Variants in NEK1 observed in about 807,000 individuals in gnomAD.
The protein encoded by NEK1 is serine/threonine-protein kinase Nek1.
A neutral mutation model predicts 182.1 loss-of-function variants in NEK1; 137 were observed. The observed-to-expected ratio is 0.75, with a 90% CI of 0.65 to 0.87. The LOEUF (loss-of-function observed/expected upper bound fraction) is 0.87. NEK1 is among the 40% of genes least tolerant of loss of function. The pLI is 0.00. For missense variants in NEK1, 1,391 were observed against 1,494.4 expected, an observed-to-expected ratio of 0.93 and a Z score of 1.14; for synonymous variants, 513 against 492.2, an observed-to-expected ratio of 1.04 and a Z score of -0.56.
At chr4:169,592,272 A>T (rs555973043) in intron 5 of NEK1, among the ~76,000 whole-genome samples, 163 of 152,310 alleles carry the variant, frequency 1.1e-3, no homozygotes, top group African/African-American at 3.9e-3. Flanking sequence ...TGTATATAAG[A>T]TATTTACTAC....
At chr4:169,536,523 T>C (rs1373270177) in intron 19 of NEK1, among the ~76,000 whole-genome samples, 1 of 152,114 alleles carries the variant, frequency 6.6e-6, no homozygotes, top group Admixed American at 6.6e-5. Flanking sequence ...AAATACTTTT[T>C]CAGACATACA....
intron 11 of NEK1, among the ~76,000 whole-genome samples, chr4:169,578,889 A>AG (rs1215336783): frequency 3.3e-5 from 5 of 152,276 alleles, no homozygotes; most frequent in African/African-American, 1.2e-4. Context: ...AGGAAGCATG[A>AG]GAAAAAAAAG....
At chr4:169,409,162 T>C (rs1165820116) in intron 31 of NEK1, among the ~76,000 whole-genome samples, 1 of 152,256 alleles carries the variant, frequency 6.6e-6, no homozygotes, top group East Asian at 1.9e-4. Flanking sequence ...TTTCTTTTTT[T>C]TGAGACAGAG....
At position 169,477,282 on chromosome 4, in the gene NEK1, T is replaced by C. The variant is rs1747136450; in HGVS notation, c.2276A>G (p.Asn759Ser). 6.3e-7 allele frequency: 1 copy of C among 1,594,640 alleles called. No homozygotes were observed. The highest frequency in any genetic ancestry group is 1.3e-5 in the African/African-American group (1 of 74,796). ...KAQEDEKGKQ[N>S]LSDTFEINVH... ...ATTTATCTCAAAAGTATCAGAGAGA[T>C]TCTGCTTTCCTTTTTCATCTTCTTG... Residue 759 changes from asparagine (N) to serine (S), a missense_variant, in exon 26 of 36, where the codon AAT (asparagine) becomes AGT (serine). By Grantham distance (46) the Asn-to-Ser change is conservative. Around this residue, in one of 5 missense-constraint regions of NEK1, gnomAD observed 1,216 missense variants for 1,277.6 expected, o/e 0.95. Transcript: ENST00000507142.
At chr4:169,438,294 C>G (rs1474446816) in intron 27 of NEK1, 35 bp from the exon 28 acceptor site, 4 of 1,481,206 alleles carry the variant, frequency 2.7e-6, no homozygotes, top group African/African-American at 1.4e-5. Flanking sequence ...CATGCTAGTT[C>G]TCAAAATGAT....
At chr4:169,512,938 T>C (rs571704879) in intron 19 of NEK1, among the ~76,000 whole-genome samples, 1 of 152,236 alleles carries the variant, frequency 6.6e-6, no homozygotes, top group South Asian at 2.1e-4. Flanking sequence ...GGACTCTCCA[T>C]AGTGTTTCAT....
At chr4:169,408,698 C>T (rs1171012168) in intron 31 of NEK1, among the ~76,000 whole-genome samples, 1 of 152,142 alleles carries the variant, frequency 6.6e-6, no homozygotes, top group Non-Finnish European at 1.5e-5. Context: ...GCTTAGCTCC[C>T]ACTTATCAAT....
At chr4:169,557,306 A>G (rs114964145) in intron 16 of NEK1, among the ~76,000 whole-genome samples, 2,400 of 152,318 alleles carry the variant, frequency 0.016, 27 homozygotes, top group Non-Finnish European at 0.023. Flanking sequence ...CCACCGAGAC[A>G]TAAGAACTCA....
At chr4:169,610,919 G>A (rs1772220277) in intron 2 of NEK1, among the ~76,000 whole-genome samples, 1 of 152,070 alleles carries the variant, frequency 6.6e-6, no homozygotes, top group African/African-American at 2.4e-5. Flanking sequence ...TAGTGGGAGG[G>A]GATCCATTTA....
At chr4:169,557,958 A>G (rs1398254379) in intron 16 of NEK1, among the ~76,000 whole-genome samples, 1 of 152,104 alleles carries the variant, frequency 6.6e-6, no homozygotes, top group Non-Finnish European at 1.5e-5. Flanking sequence ...ATAAAATAAT[A>G]ATAAAAGAAA....
intron 23 of NEK1, among the ~76,000 whole-genome samples, chr4:169,502,715 T>C (rs1752609519): frequency 6.6e-6 from 1 of 152,074 alleles, no homozygotes; most frequent in African/African-American, 2.4e-5. Context: ...AAATTAGGCA[T>C]CAAAGGAAGA....
intron 12 of NEK1, among the ~76,000 whole-genome samples, chr4:169,563,718 T>C (rs955906556): frequency 6.6e-6 from 1 of 152,234 alleles, no homozygotes; most frequent in Non-Finnish European, 1.5e-5. Context: ...AAGCCTGCCA[T>C]AGGTTTCAGG....
chr4:169,475,736 T>C (rs1353212892), intron 26 of NEK1, among the ~76,000 whole-genome samples: 2 of 152,152 alleles, frequency 1.3e-5, no homozygotes, highest in Non-Finnish European at 2.9e-5. Context: ...ATCAAAAAAG[T>C]TAAGTAGAGA....
intron 19 of NEK1, among the ~76,000 whole-genome samples, chr4:169,518,363 A>AT (rs1755469837): frequency 7.9e-6 from 1 of 126,520 alleles, no homozygotes; most frequent in Non-Finnish European, 1.6e-5. Context: ...CCCCTTTATC[A>AT]TTTTTTATTG....
intron 35 of NEK1, among the ~76,000 whole-genome samples, chr4:169,394,958 A>T (rs761581146): frequency 4.6e-5 from 7 of 152,162 alleles, no homozygotes; most frequent in Non-Finnish European, 1.0e-4. Flanking sequence ...GTTCTTTCAG[A>T]TTTTCAATAT....
chr4:169,396,919 C>T (rs1730817769), intron 35 of NEK1, among the ~76,000 whole-genome samples: 1 of 152,092 alleles, frequency 6.6e-6, no homozygotes, highest in African/African-American at 2.4e-5. Flanking sequence ...TAAAAGATAG[C>T]TGTCTGGACA....
At chr4:169,474,647 C>G (rs989442205) in intron 26 of NEK1, among the ~76,000 whole-genome samples, 3 of 152,174 alleles carry the variant, frequency 2.0e-5, no homozygotes, top group Non-Finnish European at 4.4e-5. Context: ...TCCTGAAGTG[C>G]TTTCTTCTTT....
intron 23 of NEK1, among the ~76,000 whole-genome samples, chr4:169,482,929 C>T (rs926810902): frequency 2.0e-5 from 3 of 152,178 alleles, no homozygotes; most frequent in Admixed American, 1.3e-4. Flanking sequence ...GCCACTGCAC[C>T]TGGTCTGGGG....
chr4:169,401,869 T>C lies in NEK1; in HGVS notation c.3375-9A>G. On this transcript the variant is annotated splice_polypyrimidine_tract_variant and intron_variant, in intron 32 of 35. Transcript: ENST00000507142. ...CAGTTTCTTCAAACACACTGAAATT[T>C]AAAAAGTATAACTAAAAGTTTCAAA... 2 of 1,593,332 alleles carry C rather than the reference T, an allele frequency of 1.3e-6. No homozygotes were observed. Among genetic ancestry groups the C allele is most frequent in the Non-Finnish European group, 1.7e-6 (2 of 1,168,834 alleles).
Sources: gnomAD v4.1 joint callset for allele counts (sites outside exome capture counted in the v4.1 genomes callset) on GRCh38, gnomAD v4.1.1 for gene constraint, gnomAD v4.1.1 regional missense constraint, MANE v1.5 for transcripts, NCBI Gene and HGNC (gene_info 2026-07-23, HGNC 2026-07-21) for gene names.